The following PXDNL variants were observed in gnomAD, a reference collection of about 807,000 sequenced individuals.
PXDNL encodes peroxidasin like.
A neutral mutation model predicts 150.8 loss-of-function variants in PXDNL; 145 were observed. The ratio of observed to expected loss-of-function variants is 0.96; its 90% CI spans 0.84 to 1.10. PXDNL has a LOEUF of 1.10. PXDNL is among the 50% of genes least tolerant of loss of function. The probability of loss-of-function intolerance (pLI) is 0.00; values close to 1 mark genes in which losing one functional copy is unlikely to be tolerated. For missense variants in PXDNL, 2,087 were observed against 1,873.9 expected (o/e 1.11, Z -2.10); for synonymous variants, 757 against 725.7 (o/e 1.04, Z -0.69).
At chr8:51,694,115 T>TG (rs1816062077) in intron 1 of PXDNL, among the ~76,000 whole-genome samples, 1 of 152,168 alleles carries the variant, frequency 6.6e-6, no homozygotes, top group Non-Finnish European at 1.5e-5. Context: ...TGCTTCACCA[T>TG]GGGAGGCCGA....
At chr8:51,635,421 G>T (rs1292976853) in intron 2 of PXDNL, among the ~76,000 whole-genome samples, 1 of 151,914 alleles carries the variant, frequency 6.6e-6, no homozygotes, top group Admixed American at 6.6e-5. Flanking sequence ...ACAATAAATA[G>T]AGTCAATGAA....
At chr8:51,407,979 G>A (rs948845554) in intron 17 of PXDNL, 88 bp downstream of exon 17, 6 of 1,194,288 alleles carry the variant, frequency 5.0e-6, no homozygotes, top group Non-Finnish European at 6.9e-6. Flanking sequence ...CACCCCCAGG[G>A]AACCAAATTC....
chr8:51,696,670 C>A (rs1281886619), intron 1 of PXDNL, among the ~76,000 whole-genome samples: 1 of 151,624 alleles, frequency 6.6e-6, no homozygotes, highest in Non-Finnish European at 1.5e-5. Context: ...CACACAGGTC[C>A]ACACACATCC....
At chr8:51,723,444 T>C (rs1335627635) in intron 1 of PXDNL, among the ~76,000 whole-genome samples, 1 of 152,108 alleles carries the variant, frequency 6.6e-6, no homozygotes, top group Non-Finnish European at 1.5e-5. Context: ...AAAGAGACAC[T>C]AGACAGGCAG....
At chr8:51,661,646 T>C (rs928171565) in intron 1 of PXDNL, among the ~76,000 whole-genome samples, 2 of 152,026 alleles carry the variant, frequency 1.3e-5, no homozygotes, top group Admixed American at 1.3e-4. Context: ...CCCCCACAAT[T>C]GTGTGAGCCA....
At position 51,574,445 on chromosome 8, in the gene PXDNL, AT is replaced by A. The variant is rs984373410; in HGVS notation, c.309-17535del. Among the ~76,000 whole-genome samples the A allele has an allele frequency of 3.2e-3, 481 of 151,046 alleles. 1 individual carries two copies. The highest frequency in any genetic ancestry group is 0.011 in the African/African-American group (463 of 41,260). Reference sequence around the variant, plus strand: ...GTGTGACCATAACAAAATATCTGGTATTTTTTTTTCAACACAGTCCTAGGAA... The same window carrying A: ...GTGTGACCATAACAAAATATCTGGTATTTTTTTTCAACACAGTCCTAGGAA... On this transcript the variant is annotated intron_variant, in intron 3 of 22. Transcript: ENST00000356297.
chr8:51,738,571 A>T (rs1326930323), intron 1 of PXDNL, among the ~76,000 whole-genome samples: 1 of 152,142 alleles, frequency 6.6e-6, no homozygotes, highest in Non-Finnish European at 1.5e-5. Flanking sequence ...GCACACACAC[A>T]CACACAAGAT....
At chr8:51,620,663 C>T (rs1461627876) in intron 2 of PXDNL, among the ~76,000 whole-genome samples, 4 of 152,024 alleles carry the variant, frequency 2.6e-5, no homozygotes, top group Admixed American at 2.0e-4. Context: ...CCTGTCTCAA[C>T]CTCTCAAGTA....
chr8:51,436,428 A>C (rs1809410211), intron 12 of PXDNL: 10 of 385,546 alleles, frequency 2.6e-5, no homozygotes, highest in South Asian at 2.2e-4. Flanking sequence ...TCACACCTGC[A>C]AAATACAGAG....
At chr8:51,373,359 T>C (rs192492218) in intron 18 of PXDNL, among the ~76,000 whole-genome samples, 29 of 152,334 alleles carry the variant, frequency 1.9e-4, no homozygotes, top group Non-Finnish European at 3.8e-4. Context: ...AAATTTCTGT[T>C]GTCTAAGCTA....
chr8:51,523,694 A>G (rs1811707198), intron 4 of PXDNL, among the ~76,000 whole-genome samples: 1 of 152,210 alleles, frequency 6.6e-6, no homozygotes, highest in Non-Finnish European at 1.5e-5. Flanking sequence ...CTGCTTTTGT[A>G]GTTGCTATCA....
At chr8:51,340,796 T>A (rs938039606) in intron 20 of PXDNL, among the ~76,000 whole-genome samples, 1 of 152,240 alleles carries the variant, frequency 6.6e-6, no homozygotes, top group Non-Finnish European at 1.5e-5. Flanking sequence ...ACTGACCACA[T>A]GCTAGCTTCT....
chr8:51,493,723 T>A (rs576814413), intron 5 of PXDNL, among the ~76,000 whole-genome samples: 85 of 151,960 alleles, frequency 5.6e-4, no homozygotes, highest in Admixed American at 2.0e-3. Flanking sequence ...AGAAGAGAAG[T>A]TTAGAGAAAA....
chr8:51,509,615 A>G (rs575745544), intron 4 of PXDNL, among the ~76,000 whole-genome samples: 1 of 151,774 alleles, frequency 6.6e-6, no homozygotes, highest in South Asian at 2.1e-4. Context: ...CTTTGCTCAA[A>G]TGCCACCCAC....
At chr8:51,534,860 C>G (rs1424821214) in intron 4 of PXDNL, among the ~76,000 whole-genome samples, 2 of 121,114 alleles carry the variant, frequency 1.7e-5, no homozygotes, top group Non-Finnish European at 3.3e-5. Context: ...ATCAGCCCCC[C>G]GCCTGGCCAG....
rs57092440 is a variant in PXDNL, at chr8:51,361,937, C to CAAAAAAAAAAAAA, written c.3901+9923_3901+9935dup. Among the ~76,000 whole-genome samples the CAAAAAAAAAAAAA allele has an allele frequency of 9.3e-4, 54 of 58,062 alleles. 1 individual carries two copies. The highest frequency in any genetic ancestry group is 1.5e-3 in the African/African-American group (21 of 14,266). The allele number at this position is 58,062 out of a possible 152,430, so 38.1% of individuals were successfully genotyped here. ...TGGGCAACAGAGTGAGATTCCATCT[C>CAAAAAAAAAAAAA]AAAAAAAAAAAAAAAAAAAAAAAAA... is the stretch of plus-strand genomic sequence containing the variant. On this transcript the variant is annotated intron_variant, in intron 19 of 22. Coordinates refer to ENST00000356297, the MANE Select transcript of PXDNL (RefSeq NM_144651.5).
rs529586145 is a variant in PXDNL, at chr8:51,388,861, A to AT, written c.3558-14131_3558-14130insA. On this transcript the variant is annotated intron_variant, in intron 17 of 22. Coordinates refer to ENST00000356297, the MANE Select transcript of PXDNL (RefSeq NM_144651.5). ...TAGTATGCTGTTTCACTAGCTACTG[A>AT]GATCTTAATTTAAATTATATATATC... Among the ~76,000 whole-genome samples the AT allele has an allele frequency of 4.2e-4, 64 of 152,232 alleles. 1 individual carries two copies. In the South Asian group the frequency reaches 4.8e-3, roughly 11 times the overall value.
intron 2 of PXDNL, among the ~76,000 whole-genome samples, chr8:51,635,094 TATG>T (rs1324504795): frequency 2.2e-4 from 33 of 152,188 alleles, no homozygotes; most frequent in African/African-American, 7.9e-4. Flanking sequence ...GCCCATCCAG[TATG>T]ATGTCAGATG....
chr8:51,451,008 G>C (rs1367431724), intron 10 of PXDNL, among the ~76,000 whole-genome samples: 1 of 151,968 alleles, frequency 6.6e-6, no homozygotes, highest in Non-Finnish European at 1.5e-5. Context: ...CAGTAAAAGA[G>C]CTATATAACA....
Sources: gnomAD v4.1 joint callset for allele counts (sites outside exome capture counted in the v4.1 genomes callset) on GRCh38, gnomAD v4.1.1 for gene constraint, MANE v1.5 for transcripts, NCBI Gene and HGNC (gene_info 2026-07-23, HGNC 2026-07-21) for gene names.